Variants in UCHL1 observed in about 807,000 individuals in gnomAD.
UCHL1 encodes ubiquitin carboxyl-terminal hydrolase isozyme L1.
UCHL1 carries 5 observed loss-of-function variants against 33.3 expected under a neutral mutation model. The ratio of observed to expected loss-of-function variants is 0.15; its 90% CI spans 0.08 to 0.32. The LOEUF (loss-of-function observed/expected upper bound fraction) is 0.32, where lower values mean the gene tolerates loss of function less well. Ranked by LOEUF, UCHL1 falls within the 10% of genes least tolerant of loss-of-function variation. The probability of loss-of-function intolerance (pLI) is 1.00; values close to 1 mark genes in which losing one functional copy is unlikely to be tolerated. For missense variants in UCHL1, 236 were observed against 280.0 expected, an observed-to-expected ratio of 0.84 and a Z score of 1.12; for synonymous variants, 132 against 108.8, an observed-to-expected ratio of 1.21 and a Z score of -1.33.
At chr4:41,264,910 A>G (rs1374378471) in intron 8 of UCHL1, among the ~76,000 whole-genome samples, 4 of 152,230 alleles carry the variant, frequency 2.6e-5, no homozygotes, top group Non-Finnish European at 5.9e-5. Flanking sequence ...AATAGTATAA[A>G]ATCTTTGCAG....
At chr4:41,266,731 CACCT>C (rs1289186496) in intron 8 of UCHL1, among the ~76,000 whole-genome samples, 3 of 152,074 alleles carry the variant, frequency 2.0e-5, no homozygotes, top group African/African-American at 7.3e-5. Flanking sequence ...GCAATCCTCC[CACCT>C]AAGTCTTCTG....
chr4:41,260,310 A>C (rs1203232811), intron 3 of UCHL1, among the ~76,000 whole-genome samples: 1 of 152,252 alleles, frequency 6.6e-6, no homozygotes, highest in African/African-American at 2.4e-5. Flanking sequence ...AAGGGAGAAA[A>C]TAATGAATTG....
intron 7 of UCHL1, 135 bp downstream of exon 7, chr4:41,263,426 C>T: frequency 4.5e-6 from 4 of 894,274 alleles, no homozygotes; most frequent in Non-Finnish European, 7.3e-6. Flanking sequence ...AAAGTATTCT[C>T]ATGAGGGCAC....
rs182940032 is a variant in UCHL1 at position 41,260,124 on chromosome 4, A to G, written c.175-523A>G. Among the ~76,000 whole-genome samples the G allele has an allele frequency of 1.9e-3, 287 of 152,218 alleles. 4 individuals carry two copies. The highest frequency in any genetic ancestry group is 0.016 in the South Asian group (75 of 4,822). ...GCGGAGGTAATGGTTAATTTCTTTC[A>G]CTTGTTCTTTTCAGCAGTTAAGGCC... On this transcript the variant is annotated intron_variant, in intron 3 of 8. Transcript: ENST00000284440.
At chr4:41,257,465 G>C (rs1780997348) in intron 2 of UCHL1, 144 bp from the exon 3 acceptor site, 2 of 1,159,926 alleles carry the variant, frequency 1.7e-6, no homozygotes, top group East Asian at 3.2e-5. Context: ...CGCCGGCCCG[G>C]GTGGGGGTGG....
At chr4:41,257,576 C>T (rs1049115291) in intron 2 of UCHL1, 33 bp from the exon 3 acceptor site, 8 of 1,491,274 alleles carry the variant, frequency 5.4e-6, no homozygotes, top group Non-Finnish European at 7.1e-6. Flanking sequence ...CGCGTGTCCC[C>T]GTGCGCCTGG....
chr4:41,267,751 TAC>T (rs1781177129), intron 8 of UCHL1, among the ~76,000 whole-genome samples: 1 of 152,182 alleles, frequency 6.6e-6, no homozygotes, highest in Admixed American at 6.5e-5. Context: ...CAAAACCAGG[TAC>T]AAAGTGAGAG....
intron 3 of UCHL1, among the ~76,000 whole-genome samples, chr4:41,260,218 A>T (rs371021513): frequency 6.6e-6 from 1 of 152,366 alleles, no homozygotes; most frequent in East Asian, 1.9e-4. Context: ...AATGAAATGT[A>T]AACCAGCTGG....
Position 41,264,265 on chromosome 4 carries a change from C to T in UCHL1, c.585+104C>T, listed in dbSNP as rs149112645. 12 of 1,461,420 alleles carry T rather than the reference C, an allele frequency of 8.2e-6. No individual in the cohort carries two copies. The African/African-American group carries it at 1.3e-4, about 15-fold the overall frequency. The allele number at this position is 1,461,420 out of a possible 1,614,324, so 90.5% of individuals were successfully genotyped here. On this transcript the variant is annotated intron_variant, in intron 8 of 8. Transcript: ENST00000284440. Reference sequence around the variant, plus strand: ...CTTCCAGTATAGCCAGCATCAGTTGCCTGGGTTAATAGCAGTCTTTAGGGC... The same window carrying T: ...CTTCCAGTATAGCCAGCATCAGTTGTCTGGGTTAATAGCAGTCTTTAGGGC...
At chr4:41,263,976 A>G (rs1455285437) in intron 7 of UCHL1, 127 bp from the exon 8 acceptor site, 1 of 1,221,296 alleles carries the variant, frequency 8.2e-7, no homozygotes. Flanking sequence ...TTGCTTCATA[A>G]CCAGGCTTCC....
chr4:41,263,227 A>G lies in UCHL1; in HGVS notation c.462A>G (p.Val154=). The G allele has an allele frequency of 6.2e-7, 1 of 1,613,716 alleles. No homozygotes were observed. The highest frequency in any genetic ancestry group is 8.5e-7 in the Non-Finnish European group (1 of 1,179,606). Residue 154 remains valine (V), a splice_region_variant and synonymous_variant, in exon 7 of 9, where the codon GTA becomes GTG. Coordinates refer to ENST00000284440, the MANE Select transcript of UCHL1 (RefSeq NM_004181.5). ...DAVAQEGQCR[V]DDKVNFHFIL... is the part of the protein sequence containing the mutation. ...AAAAATTTCTTGACTTTCTTTAGGT[A>G]GATGACAAGGTGAATTTCCATTTTA...
chr4:41,268,215 C>T lies in UCHL1; in HGVS notation c.*142C>T. 1.3e-6 allele frequency: 1 copy of T among 785,724 alleles called. No homozygotes were observed. Among genetic ancestry groups the T allele is most frequent in the Non-Finnish European group, 2.1e-6 (1 of 467,356 alleles). The allele number at this position is 785,724 out of a possible 1,614,324, so 48.7% of individuals were successfully genotyped here. A position where few individuals can be genotyped will look rare whatever the true frequency, so the allele number is the denominator to read the frequency against. ...TGCAGACACGCCTTCCCCTCAGCCA[C>T]ACCCAGGCACTTAAGCACAAGCAGA... On this transcript the variant is annotated 3_prime_UTR_variant, in exon 9 of 9. Coordinates refer to ENST00000284440, the MANE Select transcript of UCHL1 (RefSeq NM_004181.5).
At chr4:41,262,099 C>T (rs1012642269) in intron 6 of UCHL1, among the ~76,000 whole-genome samples, 176 bp downstream of exon 6, 1 of 152,154 alleles carries the variant, frequency 6.6e-6, no homozygotes, top group Non-Finnish European at 1.5e-5. Flanking sequence ...AAAAAGTTTT[C>T]TTCAGAAATT....
chr4:41,257,820 G>A, intron 3 of UCHL1, 83 bp downstream of exon 3: 6 of 1,497,354 alleles, frequency 4.0e-6, no homozygotes, highest in South Asian at 2.5e-5. Flanking sequence ...TCCCCGCCCC[G>A]CCCCCTCCCC....
chr4:41,264,435 C>T (rs892903403), intron 8 of UCHL1: 2 of 513,624 alleles, frequency 3.9e-6, no homozygotes, highest in East Asian at 7.3e-5. Flanking sequence ...GCTTTGCTTC[C>T]TGGTGGGATT....
intron 8 of UCHL1, among the ~76,000 whole-genome samples, chr4:41,266,757 C>G (rs1284609959): frequency 6.6e-6 from 1 of 152,070 alleles, no homozygotes; most frequent in Non-Finnish European, 1.5e-5. Context: ...GTAGCCAGGA[C>G]TAGAAGCGCA....
intron 3 of UCHL1, among the ~76,000 whole-genome samples, chr4:41,260,321 GTTTC>G (rs1213997219): frequency 2.6e-5 from 4 of 152,208 alleles, no homozygotes; most frequent in South Asian, 2.1e-4. Context: ...TAATGAATTG[GTTTC>G]TTTGTTTTCT....
At chr4:41,259,087 A>G (rs1781029989) in intron 3 of UCHL1, among the ~76,000 whole-genome samples, 1 of 152,188 alleles carries the variant, frequency 6.6e-6, no homozygotes, top group South Asian at 2.1e-4. Flanking sequence ...AGAACATTCT[A>G]GTTTGTGTTA....
chr4:41,259,946 G>A (rs1306111060), intron 3 of UCHL1, among the ~76,000 whole-genome samples: 1 of 152,176 alleles, frequency 6.6e-6, no homozygotes, highest in Non-Finnish European at 1.5e-5. Flanking sequence ...TTCCTAGTCC[G>A]ATTCATTTAC....
Sources: allele counts gnomAD v4.1 joint callset (sites outside exome capture counted in the v4.1 genomes callset), GRCh38; gene constraint gnomAD v4.1.1; transcripts MANE v1.5; gene names NCBI Gene and HGNC (gene_info 2026-07-23, HGNC 2026-07-21).